Variants in TANC2 observed in about 807,000 individuals in gnomAD.
TANC2 encodes tetratricopeptide repeat, ankyrin repeat and coiled-coil containing 2.
Under a neutral mutation model 210.5 loss-of-function variants are expected in TANC2, and 26 were observed. The ratio of observed to expected loss-of-function variants is 0.12; its 90% CI spans 0.09 to 0.17. TANC2 has a LOEUF of 0.17. Ranked by LOEUF, TANC2 falls within the 10% of genes least tolerant of loss-of-function variation. TANC2 has a pLI of 1.00. For synonymous variants in TANC2, 931 were observed against 967.1 expected (o/e 0.96, Z 0.69); for missense variants, 2,129 against 2,608.9 (o/e 0.82, Z 4.01).
chr17:63,084,496 T>C (rs1037100113), intron 3 of TANC2, among the ~76,000 whole-genome samples: 2 of 151,914 alleles, frequency 1.3e-5, no homozygotes, highest in African/African-American at 4.8e-5. Flanking sequence ...TCCAATTTCA[T>C]TGATTTCTGC....
chr17:63,395,756 A>C (rs1287996037), exon 18 of TANC2: 10 of 1,613,258 alleles, frequency 6.2e-6, no homozygotes, highest in Non-Finnish European at 8.5e-6. Flanking sequence ...GATCATTTGG[A>C]TAAGAACGGG....
Position 63,314,382 on chromosome 17 carries a change from T to A in TANC2, c.1160-6T>A, listed in dbSNP as rs762549502. On this transcript the variant is annotated splice_region_variant and splice_polypyrimidine_tract_variant and intron_variant, in intron 9 of 27. Coordinates refer to ENST00000689528, the Ensembl canonical transcript of TANC2. ...CCTAAGTTCTGCATTCTCTTGTTCCTTTCAGTTCGCTTTGCACCTTATAGG... is the reference window on the plus strand; with the variant it reads ...CCTAAGTTCTGCATTCTCTTGTTCCATTCAGTTCGCTTTGCACCTTATAGG... 1 of 1,612,904 alleles carries A rather than the reference T, an allele frequency of 6.2e-7. No individual in the cohort carries two copies. Among genetic ancestry groups the A allele is most frequent in the South Asian group, 1.1e-5 (1 of 91,036 alleles).
intron 9 of TANC2, among the ~76,000 whole-genome samples, chr17:63,300,034 T>C (rs1159627347): frequency 6.6e-6 from 1 of 152,192 alleles, no homozygotes; most frequent in Non-Finnish European, 1.5e-5. Context: ...ATTTATTAAA[T>C]AAGGAGTCCT....
At chr17:63,272,726 A>G (rs2043750663) in intron 9 of TANC2, among the ~76,000 whole-genome samples, 1 of 152,048 alleles carries the variant, frequency 6.6e-6, no homozygotes, top group Non-Finnish European at 1.5e-5. Flanking sequence ...TTTTAATCAC[A>G]ATTCTGGTTT....
chr17:63,368,982 A>G (rs2047187456), intron 14 of TANC2, among the ~76,000 whole-genome samples: 1 of 152,210 alleles, frequency 6.6e-6, no homozygotes, highest in Non-Finnish European at 1.5e-5. Flanking sequence ...GGAAACCCAT[A>G]TCTTTTTAGT....
rs1479189964 is a variant in TANC2 at position 63,234,842 on chromosome 17, C to T, written c.770-2972C>T. Among the ~76,000 whole-genome samples, 4 of 152,222 alleles carry T rather than the reference C, an allele frequency of 2.6e-5. No homozygotes were observed. The East Asian group carries it at 7.7e-4, about 29-fold the overall frequency. The stretch of plus-strand genomic sequence containing the variant: ...AAGTGGGCAAGATGCCTAATCTGCA[C>T]ATTGGTTTGGTTTCCTCATCTGCAT... On this transcript the variant is annotated intron_variant, in intron 7 of 27. Transcript: ENST00000689528.
chr17:63,054,667 C>T (rs1025977909), intron 2 of TANC2, among the ~76,000 whole-genome samples: 1 of 152,240 alleles, frequency 6.6e-6, no homozygotes, highest in African/African-American at 2.4e-5. Flanking sequence ...AGGCGTGAGC[C>T]ACCGTGCCCG....
chr17:63,407,285 A>G (rs1430931085), intron 21 of TANC2, among the ~76,000 whole-genome samples: 1 of 152,094 alleles, frequency 6.6e-6, no homozygotes, highest in Non-Finnish European at 1.5e-5. Context: ...TTCCCCATAT[A>G]AGCTACCAAA....
At chr17:63,172,331 G>A (rs143583253) in intron 5 of TANC2, among the ~76,000 whole-genome samples, 14 of 151,536 alleles carry the variant, frequency 9.2e-5, no homozygotes, top group South Asian at 4.2e-4. Flanking sequence ...ACAGGCGCCC[G>A]CCACCATTCC....
At chr17:63,397,196 A>G (rs952542760) in intron 18 of TANC2, among the ~76,000 whole-genome samples, 10 of 152,090 alleles carry the variant, frequency 6.6e-5, no homozygotes, top group African/African-American at 1.7e-4. Flanking sequence ...AATCGCCTGA[A>G]CCCGGGAGGT....
intron 21 of TANC2, 31 bp downstream of exon 21, chr17:63,406,308 C>A (rs1193821408): frequency 6.2e-7 from 1 of 1,607,232 alleles, no homozygotes. Context: ...GCTGGCTGGC[C>A]AGTTTCCATA....
chr17:63,223,089 A>G (rs2042238327), intron 7 of TANC2, among the ~76,000 whole-genome samples: 1 of 152,220 alleles, frequency 6.6e-6, no homozygotes, highest in Non-Finnish European at 1.5e-5. Flanking sequence ...GTAAATTTAT[A>G]GAGACAAAAT....
At chr17:63,115,744 A>C (rs1400332920) in intron 4 of TANC2, among the ~76,000 whole-genome samples, 1 of 152,204 alleles carries the variant, frequency 6.6e-6, no homozygotes, top group Admixed American at 6.5e-5. Context: ...TTAGAATTTT[A>C]AGCCTTTGCT....
chr17:63,395,937 T>C lies in TANC2; in HGVS notation c.3237+9T>C. 6.3e-7 allele frequency: 1 copy of C among 1,599,130 alleles called. No individual in the cohort carries two copies. Among genetic ancestry groups the C allele is most frequent in the Non-Finnish European group, 8.5e-7 (1 of 1,172,046 alleles). ...GCATGGGTTATACTGAGGTAAGAAGTAGGCAATAGGATTGTTTTTTCAAGC... is the reference window on the plus strand; with the variant it reads ...GCATGGGTTATACTGAGGTAAGAAGCAGGCAATAGGATTGTTTTTTCAAGC... On this transcript the variant is annotated intron_variant, in intron 18 of 27. Coordinates refer to ENST00000689528, the Ensembl canonical transcript of TANC2.
chr17:63,046,106 ATTG>A (rs978619418), intron 2 of TANC2, among the ~76,000 whole-genome samples: 19 of 151,966 alleles, frequency 1.3e-4, no homozygotes, highest in African/African-American at 3.9e-4. Flanking sequence ...GGAAAGGAAT[ATTG>A]TTGTTAAATT....
chr17:63,278,874 A>T (rs2043974488), intron 9 of TANC2, among the ~76,000 whole-genome samples: 1 of 152,164 alleles, frequency 6.6e-6, no homozygotes, highest in East Asian at 1.9e-4. Context: ...ACATGATTCC[A>T]CTTACATGAG....
intron 3 of TANC2, among the ~76,000 whole-genome samples, chr17:63,091,076 ATTTG>A (rs1220279973): frequency 6.6e-6 from 1 of 150,850 alleles, no homozygotes; most frequent in African/African-American, 2.4e-5. Context: ...TTTTTTGTAA[ATTTG>A]TTTAAGTTCT....
At chr17:63,244,131 T>C (rs1252009311) in intron 8 of TANC2, among the ~76,000 whole-genome samples, 2 of 152,228 alleles carry the variant, frequency 1.3e-5, no homozygotes, top group East Asian at 3.8e-4. Flanking sequence ...GGTGTTTTTC[T>C]GCTCAAGCTT....
chr17:63,144,473 A>G (rs1337681227), intron 4 of TANC2, among the ~76,000 whole-genome samples: 1 of 152,220 alleles, frequency 6.6e-6, no homozygotes, highest in African/African-American at 2.4e-5. Flanking sequence ...AAATGTATAC[A>G]TATACTATAT....
Sources: allele counts gnomAD v4.1 joint callset (sites outside exome capture counted in the v4.1 genomes callset), GRCh38; gene constraint gnomAD v4.1.1; transcripts MANE v1.5; gene names NCBI Gene and HGNC (gene_info 2026-07-23, HGNC 2026-07-21).